Variants in CLSTN2 observed in about 807,000 individuals in gnomAD.
CLSTN2 encodes calsyntenin-2.
Under a neutral mutation model 101.2 loss-of-function variants are expected in CLSTN2, and 48 were observed. That is an observed-to-expected ratio of 0.47 (90% CI 0.38 to 0.60). The LOEUF (loss-of-function observed/expected upper bound fraction) is 0.60. CLSTN2 is among the 20% of genes least tolerant of loss of function. The pLI is 0.00. For synonymous variants in CLSTN2, 481 were observed against 463.6 expected (o/e 1.04, Z -0.48); for missense variants, 1,160 against 1,238.2 (o/e 0.94, Z 0.95).
intron 2 of CLSTN2, among the ~76,000 whole-genome samples, chr3:140,291,401 C>T (rs531005702): frequency 2.6e-5 from 4 of 151,858 alleles, no homozygotes; most frequent in Non-Finnish European, 4.4e-5. Flanking sequence ...CCCTCCCCCC[C>T]CAACTTTCTG....
intron 2 of CLSTN2, among the ~76,000 whole-genome samples, chr3:140,264,018 TCA>T (rs1212743668): frequency 6.6e-6 from 1 of 152,178 alleles, no homozygotes; most frequent in Non-Finnish European, 1.5e-5. Context: ...TTGGGTGTTT[TCA>T]CAGTTATTTG....
chr3:140,325,960 T>A (rs1576516678), intron 2 of CLSTN2, among the ~76,000 whole-genome samples: 1 of 152,338 alleles, frequency 6.6e-6, no homozygotes, highest in South Asian at 2.1e-4. Flanking sequence ...ACTATCTAAA[T>A]TAAATTTATG....
chr3:140,382,323 T>G (rs1310136912), intron 2 of CLSTN2, among the ~76,000 whole-genome samples: 1 of 152,192 alleles, frequency 6.6e-6, no homozygotes, highest in Non-Finnish European at 1.5e-5. Context: ...GCTCAGATCC[T>G]TCACAGAGTG....
intron 2 of CLSTN2, among the ~76,000 whole-genome samples, chr3:140,256,728 T>C (rs2076012068): frequency 1.3e-5 from 2 of 152,252 alleles, no homozygotes; most frequent in Admixed American, 1.3e-4. Flanking sequence ...AAAAAATTTC[T>C]GATTGAGACT....
At chr3:140,194,289 T>A (rs966494672) in intron 2 of CLSTN2, among the ~76,000 whole-genome samples, 3 of 152,134 alleles carry the variant, frequency 2.0e-5, no homozygotes, top group Non-Finnish European at 4.4e-5. Flanking sequence ...TGTCCTTACA[T>A]GGTGGAAGGG....
At chr3:140,317,596 C>G (rs1007688849) in intron 2 of CLSTN2, among the ~76,000 whole-genome samples, 1 of 152,188 alleles carries the variant, frequency 6.6e-6, no homozygotes, top group African/African-American at 2.4e-5. Context: ...ACCTGCAAAA[C>G]AGAAATTCTG....
intron 1 of CLSTN2, among the ~76,000 whole-genome samples, chr3:140,047,166 G>C (rs2007897896): frequency 6.6e-6 from 1 of 151,934 alleles, no homozygotes; most frequent in South Asian, 2.1e-4. Flanking sequence ...CCCTACAAAG[G>C]GGCCACACAT....
chr3:140,288,752 A>T (rs1036206833), intron 2 of CLSTN2, among the ~76,000 whole-genome samples: 2 of 152,104 alleles, frequency 1.3e-5, no homozygotes, highest in African/African-American at 2.4e-5. Context: ...TTTCTGAGGG[A>T]TTTAAATAAA....
At chr3:140,248,895 T>C (rs921971595) in intron 2 of CLSTN2, among the ~76,000 whole-genome samples, 1 of 152,340 alleles carries the variant, frequency 6.6e-6, no homozygotes, top group South Asian at 2.1e-4. Flanking sequence ...CTTTCTCTCA[T>C]TGGGCTTCCA....
At chr3:140,221,080 T>A (rs1279233481) in intron 2 of CLSTN2, among the ~76,000 whole-genome samples, 1 of 152,200 alleles carries the variant, frequency 6.6e-6, no homozygotes, top group African/African-American at 2.4e-5. Flanking sequence ...TGGTTATTAT[T>A]TTTTAGTCAC....
At chr3:140,450,451 C>T (rs1234473888) in intron 6 of CLSTN2, among the ~76,000 whole-genome samples, 27 of 152,172 alleles carry the variant, frequency 1.8e-4, no homozygotes, top group Non-Finnish European at 1.5e-5. Flanking sequence ...TGATGGGCCT[C>T]CTTCACTCCT....
At chr3:140,359,974 C>CACAT (rs543438456) in intron 2 of CLSTN2, among the ~76,000 whole-genome samples, 1 of 145,290 alleles carries the variant, frequency 6.9e-6, no homozygotes, top group South Asian at 2.2e-4. Context: ...TATATATACA[C>CACAT]ACATACATAC....
chr3:140,212,611 T>A (rs1249427338), intron 2 of CLSTN2, among the ~76,000 whole-genome samples: 3 of 152,210 alleles, frequency 2.0e-5, no homozygotes, highest in African/African-American at 7.2e-5. Flanking sequence ...GTCTAAAGTT[T>A]GTAACCTGGC....
At chr3:140,140,631 C>G (rs2009682313) in intron 1 of CLSTN2, among the ~76,000 whole-genome samples, 1 of 152,164 alleles carries the variant, frequency 6.6e-6, no homozygotes, top group Admixed American at 6.5e-5. Context: ...AATTATTTAC[C>G]TCTAATCTCC....
intron 1 of CLSTN2, among the ~76,000 whole-genome samples, chr3:140,169,361 T>A (rs2010179176): frequency 6.6e-6 from 1 of 152,158 alleles, no homozygotes. Context: ...TAAACTCTTA[T>A]TAGTTCTAAG....
chr3:140,280,201 T>C (rs963906578), intron 2 of CLSTN2, among the ~76,000 whole-genome samples: 1 of 152,208 alleles, frequency 6.6e-6, no homozygotes, highest in Admixed American at 6.5e-5. Context: ...TCTGGGATCT[T>C]ACATAATAAT....
At chr3:140,193,213 A>ATCTT (rs2010596734) in intron 2 of CLSTN2, among the ~76,000 whole-genome samples, 1 of 124,790 alleles carries the variant, frequency 8.0e-6, no homozygotes, top group South Asian at 2.5e-4. Flanking sequence ...ATTTTTGCTT[A>ATCTT]TCTTGTTCTT....
At chr3:140,159,647 A>G (rs2010013472) in intron 1 of CLSTN2, among the ~76,000 whole-genome samples, 1 of 152,188 alleles carries the variant, frequency 6.6e-6, no homozygotes, top group Non-Finnish European at 1.5e-5. Context: ...CATTCGACCC[A>G]GCAATCACAC....
rs1172965218 is a variant in CLSTN2, at chr3:139,935,436, G to A, written c.62G>A (p.Ser21Asn). The A allele has an allele frequency of 1.6e-6, 2 of 1,231,718 alleles. No individual in the cohort carries two copies. The highest frequency in any genetic ancestry group is 2.0e-6 in the Non-Finnish European group (2 of 987,542). The allele number at this position is 1,231,718 out of a possible 1,614,324, so 76.3% of individuals were successfully genotyped here. A position where few individuals can be genotyped will look rare whatever the true frequency, so the allele number is the denominator to read the frequency against. ...CTGGCGCTGGGCGTGGGGAGCGGCA[G>A]CGGCGGTGGCGGGGACAGCCGGCAG... is the stretch of plus-strand genomic sequence containing the variant. ...LLLALGVGSG[S>N]GGGGDSRQRR... The change falls in exon 1 of 17, where the codon AGC becomes AAC. Residue 21 changes from serine to asparagine, a missense_variant. Physicochemically the swap from Ser to Asn is conservative, Grantham distance 46. Coordinates refer to ENST00000458420, the MANE Select transcript of CLSTN2 (RefSeq NM_022131.3). The surrounding 1 kb of genome is among the most constrained non-coding windows in gnomAD (Gnocchi z 5.5).
Sources: gnomAD v4.1 joint callset for allele counts (sites outside exome capture counted in the v4.1 genomes callset) on GRCh38, gnomAD v4.1.1 for gene constraint, Gnocchi (gnomAD v3.1) non-coding constraint, MANE v1.5 for transcripts, NCBI Gene and HGNC (gene_info 2026-07-23, HGNC 2026-07-21) for gene names.